The following SV2C variants were observed in gnomAD, a reference collection of about 807,000 sequenced individuals.
SV2C encodes synaptic vesicle glycoprotein 2C, also known as solute carrier family 22 member B3.
A neutral mutation model predicts 79.7 loss-of-function variants in SV2C; 49 were observed. The observed-to-expected ratio is 0.61, with a 90% CI of 0.49 to 0.78. The LOEUF is 0.78. SV2C is among the 30% of genes least tolerant of loss of function. The pLI is 0.00. For missense variants in SV2C, 833 were observed against 912.9 expected, an observed-to-expected ratio of 0.91 and a Z score of 1.13; for synonymous variants, 334 against 333.2, an observed-to-expected ratio of 1.00 and a Z score of -0.03.
chr5:76,071,063 T>A, the SV2C span, among the ~76,000 whole-genome samples: 1 of 152,216 alleles, frequency 6.6e-6, no homozygotes. Flanking sequence ...GTGGGATGAA[T>A]GAGAAGGAGG....
intron 2 of SV2C, among the ~76,000 whole-genome samples, chr5:76,168,997 TATTA>T (rs1219265979): frequency 2.0e-5 from 3 of 152,242 alleles, no homozygotes; most frequent in Non-Finnish European, 4.4e-5. Context: ...TATTTTTCCC[TATTA>T]ATTAATGAAC....
chr5:76,226,980 G>A (rs931092455), intron 4 of SV2C, among the ~76,000 whole-genome samples: 3 of 152,136 alleles, frequency 2.0e-5, no homozygotes, highest in African/African-American at 7.2e-5. Context: ...GAGAGAGAAA[G>A]AGCTTGGTTT....
At chr5:76,012,326 T>C in the SV2C span, among the ~76,000 whole-genome samples, 3 of 152,202 alleles carry the variant, frequency 2.0e-5, no homozygotes, top group African/African-American at 4.8e-5. Context: ...TGGTATCTCA[T>C]GGTGGTTTTG....
At chr5:76,121,741 T>G (rs1441951850) in intron 1 of SV2C, among the ~76,000 whole-genome samples, 1 of 152,020 alleles carries the variant, frequency 6.6e-6, no homozygotes, top group Non-Finnish European at 1.5e-5. Flanking sequence ...TCTGTTTTGG[T>G]ACCAGTACCA....
chr5:76,105,654 C>G (rs1030164363), intron 1 of SV2C, among the ~76,000 whole-genome samples: 1 of 152,114 alleles, frequency 6.6e-6, no homozygotes, highest in Admixed American at 6.5e-5. Flanking sequence ...CTTTTTGTGA[C>G]CTTGCTAACA....
intron 2 of SV2C, among the ~76,000 whole-genome samples, chr5:76,191,909 T>G (rs1187559440): frequency 6.6e-6 from 1 of 152,194 alleles, no homozygotes; most frequent in Non-Finnish European, 1.5e-5. Flanking sequence ...TGGCCTCTTT[T>G]AACATCGCTT....
the SV2C span, among the ~76,000 whole-genome samples, chr5:76,054,112 A>T: frequency 3.3e-5 from 5 of 151,890 alleles, no homozygotes; most frequent in South Asian, 2.1e-4. Context: ...CCCTGCATGT[A>T]TTAGGTATTT....
chr5:76,045,894 G>A, the SV2C span, among the ~76,000 whole-genome samples: 1 of 152,130 alleles, frequency 6.6e-6, no homozygotes, highest in Admixed American at 6.5e-5. Context: ...GGTTTAGTAG[G>A]CTGTCTGAGT....
Position 76,258,364 on chromosome 5 carries a change from T to C in SV2C, c.914-26798T>C, listed in dbSNP as rs527273282. Among the ~76,000 whole-genome samples the C allele has an allele frequency of 5.3e-5, 8 of 152,144 alleles. No homozygotes were observed. The East Asian group carries it at 1.5e-3, about 29-fold the overall frequency. On this transcript the variant is annotated intron_variant, in intron 4 of 12. Transcript: ENST00000502798. ...GAAATCTCCCCTGGGCAAGGAGAAA[T>C]TAACCAGCTTTGTTAGTCTTCCAGG... is the stretch of plus-strand genomic sequence containing the variant.
At chr5:75,966,574 C>T in the SV2C span, among the ~76,000 whole-genome samples, 1 of 152,184 alleles carries the variant, frequency 6.6e-6, no homozygotes. Flanking sequence ...AAGTTACCAC[C>T]TCTTTATTCT....
At chr5:76,038,114 G>A in the SV2C span, among the ~76,000 whole-genome samples, 12 of 152,216 alleles carry the variant, frequency 7.9e-5, no homozygotes, top group Non-Finnish European at 1.5e-4. Context: ...CGCACGGTGC[G>A]TGCACCCACT....
At chr5:75,864,310 CTCCATCCATCCATCCA>C in the SV2C span, among the ~76,000 whole-genome samples, 10 of 149,710 alleles carry the variant, frequency 6.7e-5, no homozygotes, top group African/African-American at 1.7e-4. Flanking sequence ...TCCAGTGCCA[CTCCATCCATCCATCCA>C]TCCATCCATC....
intron 4 of SV2C, among the ~76,000 whole-genome samples, chr5:76,267,757 G>A (rs573020470): frequency 1.4e-4 from 22 of 152,374 alleles, no homozygotes; most frequent in South Asian, 4.1e-4. Flanking sequence ...CAATCAGTAG[G>A]AATTTTCCAG....
the SV2C span, among the ~76,000 whole-genome samples, chr5:76,070,507 G>C: frequency 6.6e-6 from 1 of 152,198 alleles, no homozygotes; most frequent in Non-Finnish European, 1.5e-5. Context: ...ACATAGCTCT[G>C]CCTTCTCTGG....
At chr5:76,089,478 G>A (rs1231756493) in intron 1 of SV2C, among the ~76,000 whole-genome samples, 1 of 152,268 alleles carries the variant, frequency 6.6e-6, no homozygotes, top group East Asian at 1.9e-4. Flanking sequence ...GAATAGCACT[G>A]CAATGAACAT....
At chr5:75,993,453 G>A in the SV2C span, among the ~76,000 whole-genome samples, 2,850 of 152,088 alleles carry the variant, frequency 0.019, 102 homozygotes, top group African/African-American at 0.063. Context: ...GCTCAGAGCA[G>A]CTGGCAGAAA....
At chr5:76,049,022 A>AG in the SV2C span, among the ~76,000 whole-genome samples, 2 of 100,152 alleles carry the variant, frequency 2.0e-5, no homozygotes, top group East Asian at 1.2e-3. Flanking sequence ...AAAGAAAGAA[A>AG]GAAAAAGAAA....
At chr5:76,275,766 C>T (rs948283013) in intron 4 of SV2C, among the ~76,000 whole-genome samples, 1 of 152,236 alleles carries the variant, frequency 6.6e-6, no homozygotes, top group Non-Finnish European at 1.5e-5. Context: ...ATTAGCTCCA[C>T]ACTGATTAGT....
intron 2 of SV2C, among the ~76,000 whole-genome samples, chr5:76,149,450 G>C (rs1242313183): frequency 6.6e-6 from 1 of 152,208 alleles, no homozygotes; most frequent in Non-Finnish European, 1.5e-5. Context: ...CGCTGAGGCT[G>C]CTGGTTGTGA....
Sources: gnomAD v4.1 joint callset for allele counts (sites outside exome capture counted in the v4.1 genomes callset) on GRCh38, gnomAD v4.1.1 for gene constraint, MANE v1.5 for transcripts, NCBI Gene and HGNC (gene_info 2026-07-23, HGNC 2026-07-21) for gene names.